The following NOP58 variants were observed in gnomAD, a reference collection of about 807,000 sequenced individuals.
NOP58 encodes the protein nucleolar protein 58.
In NOP58, 44 loss-of-function variants were observed where a neutral mutation model predicts 71.2. That is an observed-to-expected ratio of 0.62 (90% confidence interval 0.49 to 0.79). The LOEUF (loss-of-function observed/expected upper bound fraction) is 0.79, where lower values mean the gene tolerates loss of function less well. Among genes scored for constraint, NOP58 ranks in the 30% least tolerant of loss-of-function variants. The pLI, the probability that NOP58 is intolerant of heterozygous loss-of-function variation, is 0.00. For synonymous variants in NOP58, 228 were observed against 200.3 expected (o/e 1.14, Z -1.17); for missense variants, 538 against 620.2 (o/e 0.87, Z 1.41).
intron 4 of NOP58, 36 bp downstream of exon 4, chr2:202,282,508 C>A: frequency 6.3e-7 from 1 of 1,583,404 alleles, no homozygotes; most frequent in South Asian, 1.2e-5. Flanking sequence ...GCCTGCTAGT[C>A]AGATCTCACA....
At position 202,278,015 on chromosome 2, in the gene NOP58, A is replaced by G; in HGVS notation, c.175+13A>G. 2 of 1,521,536 alleles carry G rather than the reference A, an allele frequency of 1.3e-6. No individual in the cohort carries two copies. The highest frequency in any genetic ancestry group is 1.8e-6 in the Non-Finnish European group (2 of 1,104,752). 94.3% of individuals were successfully genotyped at this position (1,521,536 alleles called of 1,614,324 possible). ...GAAGCATTAGCAGGTAAAGTAAAAA[A>G]TTAGAAGCTTGCTTTTTTGAAAAAA... On this transcript the variant is annotated intron_variant, in intron 3 of 14. Coordinates refer to ENST00000264279, the MANE Select transcript of NOP58 (RefSeq NM_015934.5).
intron 9 of NOP58, among the ~76,000 whole-genome samples, chr2:202,294,646 C>T (rs1688960635): frequency 6.6e-6 from 1 of 152,106 alleles, no homozygotes; most frequent in Non-Finnish European, 1.5e-5. Flanking sequence ...ATATCAACAA[C>T]AGTCATAATA....
chr2:202,301,425 C>T (rs1244669324), intron 13 of NOP58, among the ~76,000 whole-genome samples: 2 of 151,914 alleles, frequency 1.3e-5, no homozygotes, highest in Non-Finnish European at 2.9e-5. Flanking sequence ...CCTTGTGATC[C>T]ACCCACTCCG....
chr2:202,280,676 T>G (rs1289257494), intron 3 of NOP58, among the ~76,000 whole-genome samples: 1 of 151,604 alleles, frequency 6.6e-6, no homozygotes, highest in Non-Finnish European at 1.5e-5. Context: ...TGTTGGGGTG[T>G]GATGTTGAAT....
intron 12 of NOP58, chr2:202,299,987 T>C (rs1689064460): frequency 2.7e-6 from 1 of 368,358 alleles, no homozygotes; most frequent in Non-Finnish European, 4.9e-6. Flanking sequence ...AGTAACTACA[T>C]TGATTACTAA....
chr2:202,301,682 A>G (rs1035981720), intron 13 of NOP58, among the ~76,000 whole-genome samples: 5 of 152,100 alleles, frequency 3.3e-5, no homozygotes, highest in Non-Finnish European at 7.3e-5. Context: ...TCCTGAACCT[A>G]CTATCCATCC....
chr2:202,297,771 C>A, intron 11 of NOP58, 74 bp from the exon 12 acceptor site: 1 of 931,238 alleles, frequency 1.1e-6, no homozygotes. Context: ...CCCACTGATT[C>A]ACTAGACTGT....
At chr2:202,281,955 A>G (rs1037718382) in intron 3 of NOP58, among the ~76,000 whole-genome samples, 4 of 152,200 alleles carry the variant, frequency 2.6e-5, no homozygotes, top group African/African-American at 9.7e-5. Context: ...TTTGAAAATG[A>G]TTACACTCAT....
chr2:202,277,040 C>T (rs1373807329), intron 2 of NOP58, among the ~76,000 whole-genome samples: 2 of 152,160 alleles, frequency 1.3e-5, no homozygotes, highest in African/African-American at 4.8e-5. Flanking sequence ...GTAATCCCAG[C>T]ACTTTGGGAG....
chr2:202,292,921 A>G lies in NOP58; in HGVS notation c.907+18A>G, dbSNP rs1001195179. 1.2e-6 allele frequency: 2 copies of G among 1,613,364 alleles called. No individual in the cohort carries two copies. Among genetic ancestry groups the G allele is most frequent in the Non-Finnish European group, 1.7e-6 (2 of 1,179,372 alleles). ...TCATGCAGGTGATGGTTTTAATGTAATTTGTAAATATGAGTGTTTGAAGTA... is the reference window on the plus strand; with the variant it reads ...TCATGCAGGTGATGGTTTTAATGTAGTTTGTAAATATGAGTGTTTGAAGTA... On this transcript the variant is annotated intron_variant, in intron 9 of 14. Transcript: ENST00000264279.
In NOP58 at chr2:202,300,347, A is replaced by G; in HGVS notation, c.1382A>G (p.Lys461Arg). 2 of 1,591,962 alleles carry G rather than the reference A, an allele frequency of 1.3e-6. No homozygotes were observed. Among genetic ancestry groups the G allele is most frequent in the Non-Finnish European group, 1.7e-6 (2 of 1,174,612 alleles). Residue 461 changes from lysine to arginine, a missense_variant, in exon 13 of 15, where the codon AAA becomes AGA. Transcript: ENST00000264279. The stretch of plus-strand genomic sequence containing the variant: ...GAAATTACTGAAAAGAAAGCCAAAA[A>G]AGCCAAGATTAAAGTTAAAGGTTAG... ...EDEITEKKAK[K>R]AKIKVKVEEE...
chr2:202,267,535 CAT>C (rs1341894506), intron 1 of NOP58, among the ~76,000 whole-genome samples: 1 of 152,154 alleles, frequency 6.6e-6, no homozygotes, highest in African/African-American at 2.4e-5. Context: ...AGCTACGAAA[CAT>C]GTCAATTTTA....
chr2:202,278,058 G>C, intron 3 of NOP58, 56 bp downstream of exon 3: 1 of 1,055,690 alleles, frequency 9.5e-7, no homozygotes, highest in Non-Finnish European at 1.5e-6. Flanking sequence ...TTAGCCGTTT[G>C]TTTTTCTTGT....
chr2:202,266,065 C>T, intron 1 of NOP58, 79 bp downstream of exon 1: 1 of 1,527,162 alleles, frequency 6.5e-7, no homozygotes, highest in Non-Finnish European at 9.1e-7. Flanking sequence ...AAGCACGGAA[C>T]TACTCAGAGT....
intron 5 of NOP58, among the ~76,000 whole-genome samples, chr2:202,285,337 C>T (rs185434490): frequency 1.4e-3 from 200 of 147,746 alleles, no homozygotes; most frequent in African/African-American, 4.6e-3. Flanking sequence ...CCACCACACC[C>T]GGCATTTTTT....
At chr2:202,282,031 T>C (rs570426601) in intron 3 of NOP58, among the ~76,000 whole-genome samples, 1 of 152,330 alleles carries the variant, frequency 6.6e-6, no homozygotes, top group African/African-American at 2.4e-5. Context: ...CAAAGGAAAG[T>C]GAGTCTGTTT....
chr2:202,281,014 C>A (rs770772576), intron 3 of NOP58, among the ~76,000 whole-genome samples: 2 of 151,856 alleles, frequency 1.3e-5, no homozygotes, highest in African/African-American at 4.8e-5. Context: ...GATCATAATT[C>A]GAATGGATAT....
In NOP58 at chr2:202,302,927, A is replaced by G. The variant is rs1430229216; in HGVS notation, c.1409A>G (p.Glu470Gly). The G allele has an allele frequency of 1.2e-6, 2 of 1,603,162 alleles. No homozygotes were observed. Among genetic ancestry groups the G allele is most frequent in the Non-Finnish European group, 1.7e-6 (2 of 1,179,182 alleles). The part of the protein sequence containing the change: ...KKAKIKVKVE[E>G]EEEEKVAEEE... ...TTACACTTACCCTATTCAGTTGAAG[A>G]AGAGGAAGAAGAAAAAGTGGCAGAA... Residue 470 changes from glutamate to glycine, a missense_variant, in exon 14 of 15, where the codon GAA becomes GGA. Transcript: ENST00000264279.
chr2:202,273,136 A>T (rs563444226), intron 1 of NOP58, among the ~76,000 whole-genome samples: 231 of 152,344 alleles, frequency 1.5e-3, no homozygotes, highest in African/African-American at 1.9e-3. Context: ...ATAAATAAAT[A>T]AATTAATTAA....
Sources: allele counts gnomAD v4.1 joint callset (sites outside exome capture counted in the v4.1 genomes callset), GRCh38; gene constraint gnomAD v4.1.1; transcripts MANE v1.5; gene names NCBI Gene and HGNC (gene_info 2026-07-23, HGNC 2026-07-21).